Variants in ERAP2 observed in about 807,000 individuals in gnomAD.
The protein encoded by ERAP2 is endoplasmic reticulum aminopeptidase 2.
A neutral mutation model predicts 111.1 loss-of-function variants in ERAP2; 118 were observed. The ratio of observed to expected loss-of-function variants is 1.06; its 90% CI spans 0.92 to 1.24. The LOEUF (loss-of-function observed/expected upper bound fraction) is 1.24, where lower values mean the gene tolerates loss of function less well. ERAP2 is among the 50% of genes most tolerant of loss of function. The pLI is 0.00. For synonymous variants in ERAP2, 410 were observed against 401.2 expected, an observed-to-expected ratio of 1.02 and a Z score of -0.26; for missense variants, 1,131 against 1,125.8, an observed-to-expected ratio of 1.00 and a Z score of -0.07.
chr5:96,915,755 G>T lies in ERAP2; in HGVS notation c.2725G>T (p.Asp909Tyr), dbSNP rs1168946837. 1.2e-6 allele frequency: 2 copies of T among 1,601,104 alleles called. No individual in the cohort carries two copies. Among genetic ancestry groups the T allele is most frequent in the South Asian group, 1.1e-5 (1 of 88,868 alleles). Residue 909 changes from aspartate to tyrosine, a missense_variant, in exon 18 of 19, where the codon GAT becomes TAT. Around this residue, in one of 3 missense-constraint regions of ERAP2, gnomAD observed 279 missense variants for 250.9 expected, o/e 1.11. Transcript: ENST00000437043. ...CACAACAGCTCACTTTTCTTCCAAG[G>T]ATAAGTTGCAAGAGGTTTGTGACTT... ...SGTTAHFSSK[D>Y]KLQEVKLFFE...
In ERAP2 at chr5:96,917,635, G is replaced by A. The variant is rs752616443; in HGVS notation, c.*30G>A. On this transcript the variant is annotated 3_prime_UTR_variant, in exon 19 of 19. Coordinates refer to ENST00000437043, the MANE Select transcript of ERAP2 (RefSeq NM_022350.5). ...TCAATAGAAAAAGTAGGCTGGGCGC[G>A]GTGGCTCACGCCTGTAATCCCAGCA... The A allele has an allele frequency of 5.7e-6, 9 of 1,584,880 alleles. No individual in the cohort carries two copies. Among genetic ancestry groups the A allele is most frequent in the Admixed American group, 3.4e-5 (2 of 58,044 alleles).
Position 96,901,598 on chromosome 5 carries a change from C to A in ERAP2, c.1665C>A (p.Asp555Glu), listed in dbSNP as rs560261135. 5.6e-6 allele frequency: 9 copies of A among 1,614,106 alleles called. 1 individual carries two copies. In the South Asian group the frequency reaches 8.8e-5, roughly 16 times the overall value. ...TCCCCCTGCTGGTGGTTAAACAAGA[C>A]GGGTGTTCACTCCGACTGCAACAGG... ...KGIPLLVVKQ[D>E]GCSLRLQQER... Residue 555 changes from aspartate (D) to glutamate (E), a missense_variant, in exon 11 of 19, where the codon GAC becomes GAA. Coordinates refer to ENST00000437043, the MANE Select transcript of ERAP2 (RefSeq NM_022350.5).
rs59325486 is a variant in ERAP2 at position 96,884,034 on chromosome 5, T to TTATCTATC, written c.714+145_714+152dup. ...CAGGATTTCAGCCATTAATTTGTTT[T>TTATCTATC]TATCTATCTATCTATCTATCTATCT... On this transcript the variant is annotated intron_variant, in intron 3 of 18. Coordinates refer to ENST00000437043, the MANE Select transcript of ERAP2 (RefSeq NM_022350.5). 6.1e-3 allele frequency: 3,665 copies of TTATCTATC among 603,482 alleles called. 14 individuals carry two copies. The highest frequency in any genetic ancestry group is 8.3e-3 in the East Asian group (235 of 28,348). The allele number at this position is 603,482 out of a possible 1,614,324, so 37.4% of individuals were successfully genotyped here. A position where few individuals can be genotyped will look rare whatever the true frequency, so the allele number is the denominator to read the frequency against.
rs568790171 is a variant in ERAP2 at position 96,913,404 on chromosome 5, G to A, written c.2604G>A (p.Gly868=). 6.2e-7 allele frequency: 1 copy of A among 1,614,110 alleles called. No homozygotes were observed. Among genetic ancestry groups the A allele is most frequent in the Admixed American group, 1.7e-5 (1 of 60,030 alleles). ...LLHAIARRPK[G]QQLAWDFVRE... is the part of the protein sequence containing the mutation. ...ATGCGATTGCCAGACGTCCAAAGGG[G>A]CAGCAACTAGCATGGGATTTTGTAA... Residue 868 remains glycine (G), a synonymous_variant, in exon 17 of 19, where the codon GGG becomes GGA. Coordinates refer to ENST00000437043, the MANE Select transcript of ERAP2 (RefSeq NM_022350.5).
intron 16 of ERAP2, 74 bp downstream of exon 16, chr5:96,912,872 C>T: frequency 7.8e-7 from 1 of 1,279,740 alleles, no homozygotes; most frequent in Non-Finnish European, 1.1e-6. Flanking sequence ...AAACTTCAGC[C>T]ACCAGTTTTA....
intron 2 of ERAP2, chr5:96,881,238 T>C (rs1320377555): frequency 1.6e-5 from 6 of 365,540 alleles, no homozygotes; most frequent in South Asian, 1.0e-4. Context: ...GGGTATGTTA[T>C]AGAGAAGCAG....
intron 14 of ERAP2, 107 bp downstream of exon 14, chr5:96,909,224 C>T: frequency 9.6e-7 from 1 of 1,044,650 alleles, no homozygotes; most frequent in Non-Finnish European, 1.4e-6. Context: ...TCTGGAGCAG[C>T]TCGGGGGACT....
intron 13 of ERAP2, among the ~76,000 whole-genome samples, chr5:96,906,692 C>G (rs1786123206): frequency 6.6e-6 from 1 of 152,116 alleles, no homozygotes; most frequent in Non-Finnish European, 1.5e-5. Flanking sequence ...CTTCAATTTG[C>G]CTATAGAAAA....
chr5:96,883,836 C>T lies in ERAP2; in HGVS notation c.620C>T (p.Ala207Val). The T allele has an allele frequency of 3.1e-6, 5 of 1,613,672 alleles. No homozygotes were observed. Among genetic ancestry groups the T allele is most frequent in the Non-Finnish European group, 4.2e-6 (5 of 1,179,850 alleles). Residue 207 changes from alanine to valine, a missense_variant, in exon 3 of 19, where the codon GCT becomes GTT. Physicochemically the swap from Ala to Val is moderately conservative, Grantham distance 64. This residue lies in a region of ERAP2 where 847 missense variants were observed against 856.5 expected (regional missense o/e 0.99). Coordinates refer to ENST00000437043, the MANE Select transcript of ERAP2 (RefSeq NM_022350.5). ...TDFEPTQARMAFPCFDEPLFK... is the reference protein window; with the variant it reads ...TDFEPTQARMVFPCFDEPLFK... Reference sequence around the variant, plus strand: ...TTTGAGCCAACCCAGGCACGCATGGCTTTCCCTTGCTTTGATGAACCGTTG... The same window carrying T: ...TTTGAGCCAACCCAGGCACGCATGGTTTTCCCTTGCTTTGATGAACCGTTG...
At chr5:96,897,281 T>C (rs1784975380) in intron 9 of ERAP2, among the ~76,000 whole-genome samples, 1 of 152,230 alleles carries the variant, frequency 6.6e-6, no homozygotes, top group Non-Finnish European at 1.5e-5. Context: ...GCTCAATCTC[T>C]AGATCATTGT....
chr5:96,894,030 C>T (rs770118341), intron 6 of ERAP2, among the ~76,000 whole-genome samples: 1 of 152,184 alleles, frequency 6.6e-6, no homozygotes, highest in Non-Finnish European at 1.5e-5. Context: ...TCCCCTCTGT[C>T]CCTGGCAAAG....
intron 15 of ERAP2, among the ~76,000 whole-genome samples, chr5:96,912,118 G>C (rs1205429958): frequency 2.0e-5 from 3 of 149,756 alleles, no homozygotes; most frequent in Admixed American, 2.0e-4. Context: ...TGAACCCCGG[G>C]GGGCGGAGCC....
intron 13 of ERAP2, 30 bp downstream of exon 13, chr5:96,903,590 A>G (rs1423568): frequency 0.52 from 804,789 of 1,554,240 alleles, 209,585 homozygotes; most frequent in Middle Eastern, 0.61. Flanking sequence ...GACTTCATGC[A>G]AAATAACTGA....
rs59325486 is a variant in ERAP2 at position 96,884,034 on chromosome 5, TTATCTATCTATCTATC to T, written c.714+137_714+152del. Reference sequence around the variant, plus strand: ...CAGGATTTCAGCCATTAATTTGTTTTTATCTATCTATCTATCTATCTATCTATCTATCTATCTATCT... The same window carrying T: ...CAGGATTTCAGCCATTAATTTGTTTTTATCTATCTATCTATCTATCTATCT... On this transcript the variant is annotated intron_variant, in intron 3 of 18. Coordinates refer to ENST00000437043, the MANE Select transcript of ERAP2 (RefSeq NM_022350.5). 1.1e-3 allele frequency: 670 copies of T among 603,088 alleles called. 2 individuals are homozygous for T. The highest frequency in any genetic ancestry group is 2.1e-3 in the African/African-American group (103 of 50,190). 37.4% of individuals were successfully genotyped at this position (603,088 alleles called of 1,614,324 possible).
rs1476681133 is a variant in ERAP2 at position 96,915,744 on chromosome 5, T to C, written c.2714T>C (p.Phe905Ser). The change falls in exon 18 of 19, where the codon TTT (phenylalanine) becomes TCT (serine). Residue 905 changes from phenylalanine to serine, a missense_variant. Around this residue, in one of 3 missense-constraint regions of ERAP2, gnomAD observed 279 missense variants for 250.9 expected, o/e 1.11. Coordinates refer to ENST00000437043, the MANE Select transcript of ERAP2 (RefSeq NM_022350.5). The stretch of plus-strand genomic sequence containing the variant: ...ATCATCTCTGGCACAACAGCTCACT[T>C]TTCTTCCAAGGATAAGTTGCAAGAG... ...RMIISGTTAH[F>S]SSKDKLQEVK... 6.2e-7 allele frequency: 1 copy of C among 1,600,702 alleles called. No homozygotes were observed. The highest frequency in any genetic ancestry group is 1.3e-5 in the African/African-American group (1 of 74,304).
At chr5:96,908,729 G>A (rs1786372745) in intron 13 of ERAP2, among the ~76,000 whole-genome samples, 1 of 152,120 alleles carries the variant, frequency 6.6e-6, no homozygotes. Flanking sequence ...AGCCTATGAG[G>A]AAGATAGTAT....
chr5:96,900,866 A>T (rs1785376791), intron 10 of ERAP2, among the ~76,000 whole-genome samples: 1 of 151,988 alleles, frequency 6.6e-6, no homozygotes, highest in Admixed American at 6.6e-5. Flanking sequence ...TTCAGTAGAG[A>T]TGGGGTTTCA....
In ERAP2 at chr5:96,892,358, T is replaced by C; in HGVS notation, c.1030T>C (p.Tyr344His). ...GAMENWGLITYRETSLLFDPK... is the reference protein window; with the variant it reads ...GAMENWGLITHRETSLLFDPK... ...CATGGAAAATTGGGGCCTCATTACA[T>C]ATAGGGAGACGTCACTGCTTTTTGA... The change falls in exon 6 of 19, where the codon TAT becomes CAT. Residue 344 changes from tyrosine to histidine, a missense_variant. Tyr to His is a moderately conservative substitution (Grantham distance 83). Around this residue, in one of 3 missense-constraint regions of ERAP2, gnomAD observed 847 missense variants for 856.5 expected, o/e 0.99. Transcript: ENST00000437043. 6.2e-7 allele frequency: 1 copy of C among 1,614,056 alleles called. No homozygotes were observed. The highest frequency in any genetic ancestry group is 8.5e-7 in the Non-Finnish European group (1 of 1,179,954).
Position 96,892,418 on chromosome 5 carries a change from G to A in ERAP2, c.1090G>A (p.Val364Ile). Residue 364 changes from valine to isoleucine, a missense_variant, in exon 6 of 19, where the codon GTC (valine) becomes ATC (isoleucine). By Grantham distance (29) the Val-to-Ile change is conservative. Coordinates refer to ENST00000437043, the MANE Select transcript of ERAP2 (RefSeq NM_022350.5). ...KTSSASDKLWVTRVIAHELAH... is the reference protein window; with the variant it reads ...KTSSASDKLWITRVIAHELAH... ...CTCTTCTGCTTCCGATAAACTGTGG[G>A]TCACCAGAGTCATAGCCCATGAACT... The A allele has an allele frequency of 6.2e-7, 1 of 1,613,954 alleles. No individual in the cohort carries two copies. The highest frequency in any genetic ancestry group is 8.5e-7 in the Non-Finnish European group (1 of 1,179,912).
Sources: gnomAD v4.1 joint callset for allele counts (sites outside exome capture counted in the v4.1 genomes callset) on GRCh38, gnomAD v4.1.1 for gene constraint, gnomAD v4.1.1 regional missense constraint, MANE v1.5 for transcripts, NCBI Gene and HGNC (gene_info 2026-07-23, HGNC 2026-07-21) for gene names.